EPAS1: variants seen among roughly 807,000 people sequenced by gnomAD.
EPAS1 encodes the protein endothelial PAS domain protein 1, also known as endothelial PAS domain-containing protein 1.
EPAS1 carries 23 observed loss-of-function variants against 87.9 expected under a neutral mutation model. The observed-to-expected ratio is 0.26, with a 90% confidence interval of 0.19 to 0.37. EPAS1 has a LOEUF of 0.37. Ranked by LOEUF, EPAS1 falls within the 10% of genes least tolerant of loss-of-function variation. The pLI is 1.00. For synonymous variants in EPAS1, 508 were observed against 444.3 expected (o/e 1.14, Z -1.80); for missense variants, 1,138 against 1,120.7 (o/e 1.02, Z -0.22).
intron 1 of EPAS1, among the ~76,000 whole-genome samples, chr2:46,326,518 C>T (rs542481126): frequency 6.6e-6 from 1 of 152,286 alleles, no homozygotes; most frequent in South Asian, 2.1e-4. Flanking sequence ...AGCATTTGTA[C>T]TCCCACTAGA....
chr2:46,385,765 T>A lies in EPAS1; in HGVS notation c.*1105T>A, dbSNP rs988026291. ...GGGGTCGGGGGGTGGGGCGGGGAAG[T>A]GCTCTAACTTTTCTTAAGGTTTTGT... On this transcript the variant is annotated 3_prime_UTR_variant, in exon 16 of 16. Coordinates refer to ENST00000263734, the MANE Select transcript of EPAS1 (RefSeq NM_001430.5). 10 of 152,148 alleles carry A rather than the reference T, an allele frequency of 6.6e-5. No individual in the cohort carries two copies. Among genetic ancestry groups the A allele is most frequent in the African/African-American group, 2.2e-4 (9 of 41,410 alleles). 9.4% of individuals were successfully genotyped at this position (152,148 alleles called of 1,614,324 possible). A position where few individuals can be genotyped will look rare whatever the true frequency, so the allele number is the denominator to read the frequency against.
chr2:46,350,915 A>C (rs1222264014), intron 2 of EPAS1, among the ~76,000 whole-genome samples: 1 of 152,220 alleles, frequency 6.6e-6, no homozygotes, highest in African/African-American at 2.4e-5. Flanking sequence ...TAGACTACTA[A>C]GGGAAGGATA....
At position 46,380,091 on chromosome 2, in the gene EPAS1, G is replaced by T; in HGVS notation, c.1555-136G>T. 7.0e-7 allele frequency: 1 copy of T among 1,432,926 alleles called. No individual in the cohort carries two copies. The highest frequency in any genetic ancestry group is 1.1e-5 in the South Asian group (1 of 86,980). The allele number at this position is 1,432,926 out of a possible 1,614,324, so 88.8% of individuals were successfully genotyped here. A position where few individuals can be genotyped will look rare whatever the true frequency, so the allele number is the denominator to read the frequency against. ...TCTGAGGTTTTCCTGATAGGCCCTC[G>T]GGAGCCAGTGGAGGCGTTTGAGCAG... On this transcript the variant is annotated intron_variant, in intron 11 of 15. Transcript: ENST00000263734. This position sits in a 1 kb window ranked among gnomAD's most constrained non-coding sequence, Gnocchi z 4.4.
chr2:46,356,003 G>T, intron 2 of EPAS1, 148 bp from the exon 3 acceptor site: 1 of 836,270 alleles, frequency 1.2e-6, no homozygotes, highest in Non-Finnish European at 2.0e-6. Flanking sequence ...GCCAGGCGGA[G>T]GCAGACATTC....
chr2:46,377,998 G>C lies in EPAS1; in HGVS notation c.1354G>C (p.Gly452Arg). ...LRSHSTQSEA[G>R]SLPAFTVPQA... ...GAGCCACAGCACCCAGAGCGAGGCT[G>C]GGAGCCTGCCTGCCTTCACCGTGCC... The change falls in exon 10 of 16, where the codon GGG (glycine) becomes CGG (arginine). Residue 452 changes from glycine (G) to arginine (R), a missense_variant. Physicochemically the swap from Gly to Arg is moderately radical, Grantham distance 125 (BLOSUM62 -2). This residue lies in a region of EPAS1 where 284 missense variants were observed against 258.4 expected (regional missense o/e 1.10). Coordinates refer to ENST00000263734, the MANE Select transcript of EPAS1 (RefSeq NM_001430.5). The C allele has an allele frequency of 6.3e-7, 1 of 1,590,270 alleles. No individual in the cohort carries two copies. Among genetic ancestry groups the C allele is most frequent in the Non-Finnish European group, 8.6e-7 (1 of 1,168,394 alleles).
chr2:46,382,076 A>G lies in EPAS1; in HGVS notation c.2274A>G (p.Ala758=). 1 of 1,613,994 alleles carries G rather than the reference A, an allele frequency of 6.2e-7. No homozygotes were observed. The highest frequency in any genetic ancestry group is 1.1e-5 in the South Asian group (1 of 91,066). Residue 758 remains alanine (A), a synonymous_variant, in exon 14 of 16, where the codon GCA becomes GCG. Coordinates refer to ENST00000263734, the MANE Select transcript of EPAS1 (RefSeq NM_001430.5). The part of the protein sequence containing the change: ...CPLMPDKPLS[A]NVPNDKFTQN... ...TGATGCCGGACAAGCCACTGAGCGC[A>G]AATGTACCCAATGGTGAGCAGCGGC...
At chr2:46,332,294 GT>G in intron 1 of EPAS1, among the ~76,000 whole-genome samples, 2 of 64,734 alleles carry the variant, frequency 3.1e-5, no homozygotes, top group Admixed American at 1.6e-4. Context: ...AAAAATACGT[GT>G]GTGTGTGTGT....
Position 46,356,260 on chromosome 2 carries a change from C to T in EPAS1, c.327C>T (p.Ile109=), listed in dbSNP as rs1254819803. 5.6e-6 allele frequency: 9 copies of T among 1,614,108 alleles called. No individual in the cohort carries two copies. The highest frequency in any genetic ancestry group is 7.6e-6 in the Non-Finnish European group (9 of 1,180,022). ...TGGTGACCCAAGATGGCGACATGAT[C>T]TTTCTGTCAGAAAACATCAGCAAGT... The part of the protein sequence containing the change: ...IAVVTQDGDM[I]FLSENISKFM... Residue 109 remains isoleucine (I), a synonymous_variant, in exon 3 of 16, where the codon ATC becomes ATT. Transcript: ENST00000263734.
In EPAS1 at chr2:46,316,641, A is replaced by C. The variant is rs144824563; in HGVS notation, c.26+18704A>C. Among the ~76,000 whole-genome samples the C allele has an allele frequency of 4.3e-3, 650 of 152,270 alleles. 3 individuals carry two copies. The highest frequency in any genetic ancestry group is 0.011 in the African/African-American group (447 of 41,560). ...ATCATCTGAGCCTTCAGTGAGTCATAATCTTCTTACTGGGAGAGGTTCTTG... is the reference window on the plus strand; with the variant it reads ...ATCATCTGAGCCTTCAGTGAGTCATCATCTTCTTACTGGGAGAGGTTCTTG... On this transcript the variant is annotated intron_variant, in intron 1 of 15. Coordinates refer to ENST00000263734, the MANE Select transcript of EPAS1 (RefSeq NM_001430.5).
chr2:46,375,810 G>C lies in EPAS1; in HGVS notation c.1007G>C (p.Cys336Ser), dbSNP rs1272879593. 12 of 1,614,096 alleles carry C rather than the reference G, an allele frequency of 7.4e-6. No individual in the cohort carries two copies. The highest frequency in any genetic ancestry group is 8.5e-7 in the Non-Finnish European group (1 of 1,180,050). Residue 336 changes from cysteine (C) to serine (S), a missense_variant, in exon 8 of 16, where the codon TGC becomes TCC. Physicochemically the swap from Cys to Ser is moderately radical, Grantham distance 112. Transcript: ENST00000263734. This position sits in a 1 kb window ranked among gnomAD's most constrained non-coding sequence, Gnocchi z 4.1. ...IYNPRNLQPQ[C>S]IMCVNYVLSE... Reference sequence around the variant, plus strand: ...AACCCTCGCAACCTGCAGCCCCAGTGCATCATGTGTGTCAACTACGTCCTG... The same window carrying C: ...AACCCTCGCAACCTGCAGCCCCAGTCCATCATGTGTGTCAACTACGTCCTG...
At position 46,343,629 on chromosome 2, in the gene EPAS1, G is replaced by C. The variant is rs868516873; in HGVS notation, c.27-3244G>C. Among the ~76,000 whole-genome samples the C allele has an allele frequency of 4.6e-5, 7 of 152,154 alleles. No individual in the cohort carries two copies. The South Asian group carries it at 6.2e-4, about 14-fold the overall frequency. ...TTAAGAAGAAGTGCTTTCTGTAAAGGCATTATTATTTGTCCTTTTAGGTTC... is the reference window on the plus strand; with the variant it reads ...TTAAGAAGAAGTGCTTTCTGTAAAGCCATTATTATTTGTCCTTTTAGGTTC... On this transcript the variant is annotated intron_variant, in intron 1 of 15. Transcript: ENST00000263734.
At chr2:46,321,669 C>A (rs1683456035) in intron 1 of EPAS1, among the ~76,000 whole-genome samples, 1 of 151,986 alleles carries the variant, frequency 6.6e-6, no homozygotes, top group Non-Finnish European at 1.5e-5. Flanking sequence ...AACATATTGC[C>A]TGTTCCTTGC....
At chr2:46,361,596 G>T (rs1000694302) in intron 6 of EPAS1, among the ~76,000 whole-genome samples, 1 of 152,098 alleles carries the variant, frequency 6.6e-6, no homozygotes, top group Non-Finnish European at 1.5e-5. Context: ...GAAGATGAAG[G>T]TAGCTGAGCC....
At chr2:46,367,936 T>C (rs573290907) in intron 6 of EPAS1, among the ~76,000 whole-genome samples, 2 of 152,304 alleles carry the variant, frequency 1.3e-5, no homozygotes, top group African/African-American at 4.8e-5. Context: ...CGCACACACA[T>C]TGAGACAGTT....
Position 46,356,276 on chromosome 2 carries a change from A to G in EPAS1, c.343A>G (p.Ile115Val), listed in dbSNP as rs1476978064. 2 of 1,614,070 alleles carry G rather than the reference A, an allele frequency of 1.2e-6. No individual in the cohort carries two copies. The highest frequency in any genetic ancestry group is 2.7e-5 in the African/African-American group (2 of 74,908). ...DGDMIFLSENISKFMGLTQVE... is the reference protein window; with the variant it reads ...DGDMIFLSENVSKFMGLTQVE... The stretch of plus-strand genomic sequence containing the variant: ...CGACATGATCTTTCTGTCAGAAAAC[A>G]TCAGCAAGTTCATGGGACTTACACA... The change falls in exon 3 of 16, where the codon ATC becomes GTC. Residue 115 changes from isoleucine to valine, a missense_variant. Physicochemically the swap from Ile to Val is conservative, Grantham distance 29. This residue lies in a region of EPAS1 where 351 missense variants were observed against 417.1 expected (regional missense o/e 0.84). Coordinates refer to ENST00000263734, the MANE Select transcript of EPAS1 (RefSeq NM_001430.5).
intron 1 of EPAS1, among the ~76,000 whole-genome samples, chr2:46,316,055 A>T (rs565704859): frequency 8.1e-4 from 124 of 152,352 alleles, no homozygotes; most frequent in African/African-American, 2.8e-3. Flanking sequence ...CTCTTTGGTG[A>T]ACATACTTTT....
intron 2 of EPAS1, among the ~76,000 whole-genome samples, chr2:46,350,531 T>C (rs1006827343): frequency 2.6e-5 from 4 of 152,134 alleles, no homozygotes; most frequent in South Asian, 2.1e-4. Context: ...ACTGAAACAA[T>C]AGCTTTATGA....
chr2:46,342,815 C>T (rs112531830), intron 1 of EPAS1, among the ~76,000 whole-genome samples: 166 of 152,322 alleles, frequency 1.1e-3, no homozygotes, highest in African/African-American at 3.8e-3. Context: ...CCTGGATGAA[C>T]TGTAGCATAT....
rs148090989 is a variant in EPAS1 at position 46,331,581 on chromosome 2, C to G, written c.27-15292C>G. ...AAAGAACAGATGCATTTGTCAGAATCTCTGTGGCCATCAGACGTCACTCCA... is the reference window on the plus strand; with the variant it reads ...AAAGAACAGATGCATTTGTCAGAATGTCTGTGGCCATCAGACGTCACTCCA... On this transcript the variant is annotated intron_variant, in intron 1 of 15. Transcript: ENST00000263734. Among the ~76,000 whole-genome samples the G allele has an allele frequency of 8.4e-3, 1,281 of 152,292 alleles. 8 individuals are homozygous for G. The highest frequency in any genetic ancestry group is 0.011 in the Non-Finnish European group (750 of 68,030).
Sources: allele counts gnomAD v4.1 joint callset (sites outside exome capture counted in the v4.1 genomes callset), GRCh38; gene constraint gnomAD v4.1.1; regional missense constraint gnomAD v4.1.1; non-coding constraint Gnocchi (gnomAD v3.1); transcripts MANE v1.5; gene names NCBI Gene and HGNC (gene_info 2026-07-23, HGNC 2026-07-21).